Variants in ANKRD11 observed in about 807,000 individuals in gnomAD.
ANKRD11 encodes the protein ankyrin repeat domain-containing protein 11.
ANKRD11 carries 17 observed loss-of-function variants against 195.7 expected under a neutral mutation model. The ratio of observed to expected loss-of-function variants is 0.09; its 90% CI spans 0.06 to 0.13. ANKRD11 has a LOEUF of 0.13. ANKRD11 is among the 10% of genes least tolerant of loss of function. The probability of loss-of-function intolerance (pLI) is 1.00; values close to 1 mark genes in which losing one functional copy is unlikely to be tolerated. For missense variants in ANKRD11, 3,735 were observed against 3,566.1 expected, an observed-to-expected ratio of 1.05 and a Z score of -1.21; for synonymous variants, 1,953 against 1,528.1, an observed-to-expected ratio of 1.28 and a Z score of -6.49.
At chr16:89,352,202 T>C (rs2152032961) in intron 2 of ANKRD11, among the ~76,000 whole-genome samples, 1 of 152,122 alleles carries the variant, frequency 6.6e-6, no homozygotes, top group East Asian at 1.9e-4. Flanking sequence ...TTATCTTCTT[T>C]GAAAAGCATG....
At chr16:89,457,399 C>T (rs1407513870) in intron 1 of ANKRD11, among the ~76,000 whole-genome samples, 1 of 151,254 alleles carries the variant, frequency 6.6e-6, no homozygotes, top group Non-Finnish European at 1.5e-5. Flanking sequence ...GAGTTCAAGA[C>T]CAGCCCAGTC....
chr16:89,387,444 G>C (rs1033264652), intron 2 of ANKRD11, among the ~76,000 whole-genome samples: 3 of 150,232 alleles, frequency 2.0e-5, no homozygotes, highest in African/African-American at 7.4e-5. Context: ...AGGCTGAGGC[G>C]GGCAGATCAC....
At chr16:89,393,150 C>A (rs1210840029) in intron 2 of ANKRD11, among the ~76,000 whole-genome samples, 1 of 152,114 alleles carries the variant, frequency 6.6e-6, no homozygotes, top group Non-Finnish European at 1.5e-5. Context: ...GGAAGTCTCC[C>A]TCAGGACCTG....
chr16:89,381,354 A>AAAAAAAAAGG (rs1555560066), intron 2 of ANKRD11, among the ~76,000 whole-genome samples: 3 of 125,346 alleles, frequency 2.4e-5, no homozygotes, highest in African/African-American at 9.9e-5. Flanking sequence ...AAAAAAAAAA[A>AAAAAAAAAGG]GGGGTGAGAA....
chr16:89,432,682 C>G (rs554930776), intron 1 of ANKRD11, among the ~76,000 whole-genome samples: 1 of 152,104 alleles, frequency 6.6e-6, no homozygotes, highest in South Asian at 2.1e-4. Flanking sequence ...CGAGACCTTA[C>G]CAGTCACACA....
At position 89,291,188 on chromosome 16, in the gene ANKRD11, G is replaced by T; in HGVS notation, c.227-5C>A. On this transcript the variant is annotated splice_polypyrimidine_tract_variant and splice_region_variant and intron_variant, in intron 4 of 12. Coordinates refer to ENST00000301030, the MANE Select transcript of ANKRD11 (RefSeq NM_013275.6). This position sits in a 1 kb window ranked among gnomAD's most constrained non-coding sequence, Gnocchi z 5.3. Reference sequence around the variant, plus strand: ...TCCGCTCAGGGCCCTGCTTCTCTGTGAGGCGGGCGAGGGAGAGAGGGAGGA... The same window carrying T: ...TCCGCTCAGGGCCCTGCTTCTCTGTTAGGCGGGCGAGGGAGAGAGGGAGGA... 6.2e-7 allele frequency: 1 copy of T among 1,613,194 alleles called. No homozygotes were observed. Among genetic ancestry groups the T allele is most frequent in the Non-Finnish European group, 8.5e-7 (1 of 1,179,930 alleles).
At position 89,268,495 on chromosome 16, in the gene ANKRD11, C is replaced by T. The variant is rs2032827245; in HGVS notation, c.7975G>A (p.Val2659Ile). The stretch of plus-strand genomic sequence containing the variant: ...CCGCGGTGTCATGCCGGCAACAATA[C>T]AAAGTCGTCGTTGACGTCGACCATG... ...VPMVDVNDDF[V>I]LLPA The change falls in exon 13 of 13, where the codon GTA (valine) becomes ATA (isoleucine). Residue 2659 changes from valine (V) to isoleucine (I), a missense_variant. Coordinates refer to ENST00000301030, the MANE Select transcript of ANKRD11 (RefSeq NM_013275.6). 1 of 1,361,790 alleles carries T rather than the reference C, an allele frequency of 7.3e-7. No homozygotes were observed. Among genetic ancestry groups the T allele is most frequent in the Non-Finnish European group, 1.0e-6 (1 of 985,384 alleles). 84.4% of individuals were successfully genotyped at this position (1,361,790 alleles called of 1,614,324 possible). A position where few individuals can be genotyped will look rare whatever the true frequency, so the allele number is the denominator to read the frequency against.
At chr16:89,287,058 G>C (rs1438594376) in intron 7 of ANKRD11, 1 of 1,289,824 alleles carries the variant, frequency 7.8e-7, no homozygotes, top group Non-Finnish European at 1.0e-6. Context: ...CAATTGTGGA[G>C]GTCAGAGGTC....
At chr16:89,394,550 C>G (rs2041340416) in intron 2 of ANKRD11, among the ~76,000 whole-genome samples, 1 of 152,004 alleles carries the variant, frequency 6.6e-6, no homozygotes, top group African/African-American at 2.4e-5. Flanking sequence ...ATCGCTTGAA[C>G]CCAGGAGGCG....
chr16:89,458,448 T>C (rs1438942596), intron 1 of ANKRD11, among the ~76,000 whole-genome samples: 2 of 152,144 alleles, frequency 1.3e-5, no homozygotes, highest in Non-Finnish European at 2.9e-5. Flanking sequence ...ATGGTCTCGA[T>C]CTCCTGACCT....
At chr16:89,289,509 C>A (rs1597480527) in intron 6 of ANKRD11, among the ~76,000 whole-genome samples, 1 of 152,190 alleles carries the variant, frequency 6.6e-6, no homozygotes, top group African/African-American at 2.4e-5. Flanking sequence ...GCCCCTGGGC[C>A]GTATCAGGTC....
intron 2 of ANKRD11, among the ~76,000 whole-genome samples, chr16:89,413,351 C>T (rs559511478): frequency 3.9e-5 from 6 of 152,246 alleles, no homozygotes; most frequent in African/African-American, 9.6e-5. Flanking sequence ...GTGGACTGGG[C>T]GCAGTGGCTC....
chr16:89,474,245 C>A (rs923870150), intron 1 of ANKRD11, among the ~76,000 whole-genome samples: 4 of 152,196 alleles, frequency 2.6e-5, no homozygotes, highest in Non-Finnish European at 5.9e-5. Flanking sequence ...TCCCACTAAG[C>A]TGTGCCCAGA....
intron 1 of ANKRD11, among the ~76,000 whole-genome samples, chr16:89,424,376 G>C (rs990627484): frequency 6.6e-6 from 1 of 151,942 alleles, no homozygotes; most frequent in Non-Finnish European, 1.5e-5. Flanking sequence ...AGGAGACGGA[G>C]GTTGCAGCAA....
intron 1 of ANKRD11, among the ~76,000 whole-genome samples, chr16:89,486,701 G>A (rs1359433964): frequency 6.6e-6 from 1 of 152,112 alleles, no homozygotes; most frequent in African/African-American, 2.4e-5. Flanking sequence ...CATTTGGGAC[G>A]TTATCATAAA....
intron 1 of ANKRD11, among the ~76,000 whole-genome samples, chr16:89,485,323 T>TAA (rs397855823): frequency 3.1e-4 from 40 of 128,098 alleles, no homozygotes; most frequent in Admixed American, 6.4e-4. Flanking sequence ...ATCTCTACTT[T>TAA]AAAAAAAAAA....
In ANKRD11 at chr16:89,305,353, G is replaced by T; in HGVS notation, c.88-9C>A. The T allele has an allele frequency of 6.2e-7, 1 of 1,613,910 alleles. No homozygotes were observed. ...GAAACTTTATCTTTATCCTAGAAAAGAAAGGGATGCTTTCAGTCGTGATGT... is the reference window on the plus strand; with the variant it reads ...GAAACTTTATCTTTATCCTAGAAAATAAAGGGATGCTTTCAGTCGTGATGT... On this transcript the variant is annotated splice_polypyrimidine_tract_variant and intron_variant, in intron 3 of 12. Coordinates refer to ENST00000301030, the MANE Select transcript of ANKRD11 (RefSeq NM_013275.6).
chr16:89,383,681 G>A (rs1322160301), intron 2 of ANKRD11, among the ~76,000 whole-genome samples: 3 of 151,614 alleles, frequency 2.0e-5, no homozygotes, highest in Non-Finnish European at 4.4e-5. Context: ...CAGCAACGCA[G>A]CAGACGTCCA....
chr16:89,483,148 T>TC (rs1413016436), intron 1 of ANKRD11, among the ~76,000 whole-genome samples: 3 of 152,088 alleles, frequency 2.0e-5, no homozygotes, highest in Non-Finnish European at 4.4e-5. Flanking sequence ...CCTTCACTCA[T>TC]CCCCCTGAAC....
Sources: gnomAD v4.1 joint callset for allele counts (sites outside exome capture counted in the v4.1 genomes callset) on GRCh38, gnomAD v4.1.1 for gene constraint, Gnocchi (gnomAD v3.1) non-coding constraint, MANE v1.5 for transcripts, NCBI Gene and HGNC (gene_info 2026-07-23, HGNC 2026-07-21) for gene names.